Variants in NRG1 observed in about 807,000 individuals in gnomAD.
NRG1 encodes the protein neuregulin 1, also known as pro-neuregulin-1, membrane-bound isoform.
A neutral mutation model predicts 63.8 loss-of-function variants in NRG1; 18 were observed. The observed-to-expected ratio is 0.28, with a 90% CI of 0.19 to 0.42. NRG1 has a LOEUF of 0.42. Ranked by LOEUF, NRG1 falls within the 10% of genes least tolerant of loss-of-function variation. The pLI is 1.00. For missense variants in NRG1, 762 were observed against 814.7 expected, an observed-to-expected ratio of 0.94 and a Z score of 0.79; for synonymous variants, 302 against 301.3, an observed-to-expected ratio of 1.00 and a Z score of -0.02.
intron 1 of NRG1, among the ~76,000 whole-genome samples, chr8:31,846,863 T>G (rs1826738010): frequency 6.6e-6 from 1 of 152,168 alleles, no homozygotes; most frequent in African/African-American, 2.4e-5. Context: ...ATTTTGTCAT[T>G]TAGTGAATAT....
At chr8:32,577,879 C>T (rs1196714953) in intron 1 of NRG1, among the ~76,000 whole-genome samples, 1 of 152,006 alleles carries the variant, frequency 6.6e-6, no homozygotes, top group African/African-American at 2.4e-5. Flanking sequence ...ATCAGCTTTT[C>T]CAGATAGTTT....
intron 1 of NRG1, among the ~76,000 whole-genome samples, chr8:32,091,924 T>G (rs12550502): frequency 0.94 from 143,009 of 152,016 alleles, 67,941 homozygotes; most frequent in East Asian, 1. Flanking sequence ...CGATCTGATG[T>G]GTCTGCTTGT....
At chr8:32,234,531 A>C (rs1191278607) in intron 1 of NRG1, among the ~76,000 whole-genome samples, 1 of 152,206 alleles carries the variant, frequency 6.6e-6, no homozygotes, top group African/African-American at 2.4e-5. Context: ...ACTTAGATTA[A>C]ATCCATATTT....
intron 1 of NRG1, among the ~76,000 whole-genome samples, chr8:32,413,620 C>T (rs1815429581): frequency 6.6e-6 from 1 of 152,196 alleles, no homozygotes; most frequent in Non-Finnish European, 1.5e-5. Context: ...CATTCCCCCA[C>T]AGAAATATAC....
intron 1 of NRG1, among the ~76,000 whole-genome samples, chr8:31,836,441 T>C (rs1284148270): frequency 6.6e-6 from 1 of 152,132 alleles, no homozygotes; most frequent in Non-Finnish European, 1.5e-5. Context: ...TTGATTCCCC[T>C]CTCCAAAGGG....
chr8:32,187,365 T>A (rs543452456), intron 1 of NRG1, among the ~76,000 whole-genome samples: 45 of 152,282 alleles, frequency 3.0e-4, no homozygotes, highest in African/African-American at 1.1e-3. Flanking sequence ...ACCTGAGGAA[T>A]AGGAGAGCCC....
chr8:32,423,291 A>C (rs1345988788), intron 1 of NRG1, among the ~76,000 whole-genome samples: 1 of 152,242 alleles, frequency 6.6e-6, no homozygotes, highest in Non-Finnish European at 1.5e-5. Context: ...TTTATTACAC[A>C]GCCACACACA....
In NRG1 at chr8:32,417,993, T is replaced by C. The variant is rs185416320; in HGVS notation, c.38-177835T>C. ...AAAAATGAAAATAATAGCTTCCAGA[T>C]AAATCCTTATGATAGTTTTGCTATC... On this transcript the variant is annotated intron_variant, in intron 1 of 10. Coordinates refer to the NRG1 transcript ENST00000519301. Among the ~76,000 whole-genome samples the C allele has an allele frequency of 1.0e-3, 153 of 152,254 alleles. 2 individuals are homozygous for C. Among genetic ancestry groups the C allele is most frequent in the Admixed American group, 3.5e-3 (53 of 15,284 alleles).
chr8:32,556,596 A>G (rs1175714371), intron 1 of NRG1, among the ~76,000 whole-genome samples: 1 of 152,228 alleles, frequency 6.6e-6, no homozygotes, highest in Non-Finnish European at 1.5e-5. Flanking sequence ...TGAAAAAAGG[A>G]AAAGAAAACC....
At chr8:32,306,635 G>A (rs185179911) in intron 1 of NRG1, among the ~76,000 whole-genome samples, 1 of 152,280 alleles carries the variant, frequency 6.6e-6, no homozygotes, top group African/African-American at 2.4e-5. Context: ...ATTTAATTAT[G>A]AATCTGCCTC....
chr8:32,596,056 A>T (rs777493486), intron 2 of NRG1, 51 bp downstream of exon 2: 1 of 1,417,998 alleles, frequency 7.1e-7, no homozygotes, highest in African/African-American at 1.4e-5. Flanking sequence ...ATAAGATAAC[A>T]TATAAATGTT....
chr8:32,215,400 G>A (rs1221473079), intron 1 of NRG1, among the ~76,000 whole-genome samples: 1 of 152,172 alleles, frequency 6.6e-6, no homozygotes, highest in African/African-American at 2.4e-5. Context: ...TAACACCTCT[G>A]CAGCAGGACT....
intron 1 of NRG1, among the ~76,000 whole-genome samples, chr8:31,919,900 T>C (rs764226465): frequency 1.3e-5 from 2 of 152,134 alleles, no homozygotes; most frequent in Non-Finnish European, 2.9e-5. Context: ...TTTAATGTGA[T>C]TTGAAATTGA....
chr8:32,324,267 A>C (rs1022697638), intron 1 of NRG1, among the ~76,000 whole-genome samples: 1 of 152,198 alleles, frequency 6.6e-6, no homozygotes, highest in Non-Finnish European at 1.5e-5. Context: ...TCCTTATTGC[A>C]GAAAGCAGGC....
At chr8:32,313,453 G>A (rs576892816) in intron 1 of NRG1, among the ~76,000 whole-genome samples, 5 of 152,182 alleles carry the variant, frequency 3.3e-5, no homozygotes, top group Non-Finnish European at 5.9e-5. Context: ...TGAAAATGCC[G>A]AAGTGTCTTA....
intron 1 of NRG1, among the ~76,000 whole-genome samples, chr8:32,509,140 T>C (rs1828889254): frequency 6.6e-6 from 1 of 151,988 alleles, no homozygotes; most frequent in Non-Finnish European, 1.5e-5. Flanking sequence ...TCTGGCTCTG[T>C]CACCCAGGCT....
intron 9 of NRG1, 128 bp from the exon 10 acceptor site, chr8:32,759,178 A>G: frequency 8.3e-6 from 9 of 1,083,822 alleles, no homozygotes; most frequent in Non-Finnish European, 1.2e-5. Flanking sequence ...TTTATTACAA[A>G]TCAGCTGTAC....
intron 1 of NRG1, among the ~76,000 whole-genome samples, chr8:32,348,973 G>A (rs1329692683): frequency 1.3e-5 from 2 of 152,210 alleles, no homozygotes; most frequent in East Asian, 1.9e-4. Flanking sequence ...AGTGCACTTA[G>A]TAGGTGTTCA....
intron 3 of NRG1, among the ~76,000 whole-genome samples, chr8:32,608,099 T>C (rs1202755008): frequency 3.0e-5 from 4 of 131,796 alleles, no homozygotes; most frequent in Non-Finnish European, 4.7e-5. Context: ...TTTGTTTTTT[T>C]TTTTTTTGTT....
Sources: gnomAD v4.1 joint callset for allele counts (sites outside exome capture counted in the v4.1 genomes callset) on GRCh38, gnomAD v4.1.1 for gene constraint, MANE v1.5 for transcripts, NCBI Gene and HGNC (gene_info 2026-07-23, HGNC 2026-07-21) for gene names.